The following MFHAS1 variants were observed in gnomAD, a reference collection of about 807,000 sequenced individuals.
MFHAS1 encodes malignant fibrous histiocytoma-amplified sequence 1.
MFHAS1 carries 50 observed loss-of-function variants against 70.4 expected under a neutral mutation model. The ratio of observed to expected loss-of-function variants is 0.71; its 90% CI spans 0.57 to 0.90. The LOEUF (loss-of-function observed/expected upper bound fraction) is 0.90, where lower values mean the gene tolerates loss of function less well. Ranked by LOEUF, MFHAS1 falls within the 40% of genes least tolerant of loss-of-function variation. The pLI is 0.00. For missense variants in MFHAS1, 1,795 were observed against 1,347.6 expected (o/e 1.33, Z -5.20); for synonymous variants, 952 against 620.0 (o/e 1.54, Z -7.96).
intron 1 of MFHAS1, among the ~76,000 whole-genome samples, chr8:8,842,464 T>C (rs1025554477): frequency 2.0e-5 from 3 of 152,146 alleles, no homozygotes; most frequent in Non-Finnish European, 2.9e-5. Flanking sequence ...GGGATTGTAA[T>C]AGGCGTGAGC....
At chr8:8,838,728 G>A (rs1025877933) in intron 1 of MFHAS1, among the ~76,000 whole-genome samples, 4 of 151,506 alleles carry the variant, frequency 2.6e-5, no homozygotes, top group Non-Finnish European at 4.4e-5. Context: ...CAGGAGAATC[G>A]GTTGAACTGG....
intron 1 of MFHAS1, among the ~76,000 whole-genome samples, chr8:8,819,322 T>A (rs866282531): frequency 2.1e-4 from 32 of 152,122 alleles, no homozygotes; most frequent in Middle Eastern, 3.2e-3. Context: ...TATCCAAGAA[T>A]TGGCCGGGTG....
intron 2 of MFHAS1, among the ~76,000 whole-genome samples, chr8:8,794,041 T>A (rs1234209204): frequency 6.6e-6 from 1 of 151,976 alleles, no homozygotes; most frequent in Admixed American, 6.6e-5. Flanking sequence ...ATACAAAAAA[T>A]TAGCTAGGTG....
chr8:8,786,866 A>T (rs1805561173), intron 2 of MFHAS1, among the ~76,000 whole-genome samples: 1 of 152,124 alleles, frequency 6.6e-6, no homozygotes, highest in Non-Finnish European at 1.5e-5. Context: ...TCTCCAGTCC[A>T]TACAAGATTC....
intron 1 of MFHAS1, among the ~76,000 whole-genome samples, chr8:8,803,884 A>C (rs931420329): frequency 2.0e-5 from 3 of 152,062 alleles, no homozygotes; most frequent in Non-Finnish European, 4.4e-5. Context: ...AGGCAGGAGA[A>C]TCACTGGAAT....
rs763953311 is a variant in MFHAS1 at position 8,892,485 on chromosome 8, G to T, written c.574C>A (p.Gln192Lys). 74 of 1,606,816 alleles carry T rather than the reference G, an allele frequency of 4.6e-5. 2 individuals are homozygous for T. The Middle Eastern group carries it at 1.3e-3, about 29-fold the overall frequency. Reference sequence around the variant, plus strand: ...AGCTGCCGGGGGAAGGCAGTGAGCTGGTTGTGATCCACGTCCAGGGTGCGC... The same window carrying T: ...AGCTGCCGGGGGAAGGCAGTGAGCTTGTTGTGATCCACGTCCAGGGTGCGC... ...RLRTLDVDHN[Q>K]LTAFPRQLLQ... The change falls in exon 1 of 3, where the codon CAG becomes AAG. Residue 192 changes from glutamine to lysine, a missense_variant. Transcript: ENST00000276282. This position sits in a 1 kb window ranked among gnomAD's most constrained non-coding sequence, Gnocchi z 4.7.
intron 1 of MFHAS1, among the ~76,000 whole-genome samples, chr8:8,801,373 C>T (rs1006268041): frequency 6.6e-6 from 1 of 152,120 alleles, no homozygotes; most frequent in Non-Finnish European, 1.5e-5. Flanking sequence ...AAACAGAGCA[C>T]GAAGGTGGAA....
intron 2 of MFHAS1, among the ~76,000 whole-genome samples, chr8:8,796,550 G>A (rs1274853985): frequency 1.3e-5 from 2 of 149,264 alleles, no homozygotes; most frequent in Non-Finnish European, 3.0e-5. Flanking sequence ...CGGGCGCGGT[G>A]GCGGGCGCCT....
intron 1 of MFHAS1, among the ~76,000 whole-genome samples, chr8:8,872,430 G>A (rs147211007): frequency 1.0e-3 from 158 of 152,232 alleles, no homozygotes; most frequent in African/African-American, 3.4e-3. Flanking sequence ...TCCTTCATGC[G>A]GACCACCTGG....
chr8:8,823,916 G>C (rs1340725694), intron 1 of MFHAS1, among the ~76,000 whole-genome samples: 1 of 127,582 alleles, frequency 7.8e-6, no homozygotes, highest in Non-Finnish European at 1.6e-5. Flanking sequence ...CACAGAAAAG[G>C]CCTGTTACGC....
At chr8:8,866,836 G>A (rs1179138547) in intron 1 of MFHAS1, among the ~76,000 whole-genome samples, 1 of 152,172 alleles carries the variant, frequency 6.6e-6, no homozygotes, top group African/African-American at 2.4e-5. Flanking sequence ...ATTACCTTGA[G>A]GAATCTGAAA....
At chr8:8,855,068 A>G (rs2116879015) in intron 1 of MFHAS1, among the ~76,000 whole-genome samples, 1 of 152,150 alleles carries the variant, frequency 6.6e-6, no homozygotes, top group East Asian at 1.9e-4. Flanking sequence ...GTCCTCCCTC[A>G]GTATATATGG....
intron 1 of MFHAS1, among the ~76,000 whole-genome samples, chr8:8,823,633 T>C (rs1427263077): frequency 2.0e-5 from 3 of 151,432 alleles, no homozygotes; most frequent in African/African-American, 2.4e-5. Context: ...ATCGCCTAAA[T>C]AGGGCACACA....
intron 1 of MFHAS1, among the ~76,000 whole-genome samples, chr8:8,799,515 C>T (rs373176423): frequency 1.3e-5 from 2 of 152,122 alleles, no homozygotes; most frequent in African/African-American, 4.8e-5. Flanking sequence ...CAGCACTTTG[C>T]GAGGCAAAGA....
intron 1 of MFHAS1, among the ~76,000 whole-genome samples, chr8:8,887,068 A>G (rs1174942598): frequency 6.6e-6 from 1 of 152,218 alleles, no homozygotes; most frequent in Non-Finnish European, 1.5e-5. Context: ...CAGAGGTTGC[A>G]GTGAGTCAAG....
chr8:8,867,159 G>A (rs1020034107), intron 1 of MFHAS1, among the ~76,000 whole-genome samples: 1 of 152,184 alleles, frequency 6.6e-6, no homozygotes, highest in African/African-American at 2.4e-5. Flanking sequence ...GATGGACTGA[G>A]CTCTTCAAGT....
chr8:8,817,740 C>T (rs1458467840), intron 1 of MFHAS1, among the ~76,000 whole-genome samples: 1 of 152,238 alleles, frequency 6.6e-6, no homozygotes, highest in East Asian at 1.9e-4. Flanking sequence ...AGCTGTTCCA[C>T]TTCAGATCAT....
Position 8,785,737 on chromosome 8 carries a change from CTTTTT to C in MFHAS1, c.*280_*284del, listed in dbSNP as rs36026181. 8 of 229,986 alleles carry C rather than the reference CTTTTT, an allele frequency of 3.5e-5. No homozygotes were observed. Among genetic ancestry groups the C allele is most frequent in the Non-Finnish European group, 4.2e-5 (5 of 120,460 alleles). 14.2% of individuals were successfully genotyped at this position (229,986 alleles called of 1,614,324 possible). On this transcript the variant is annotated 3_prime_UTR_variant, in exon 3 of 3. Transcript: ENST00000276282. ...ACAAAATCCCTGAGAAGCCATTCGA[CTTTTT>C]TTTTTTTTTTTTCTTTTCTTCAAGT... is the stretch of plus-strand genomic sequence containing the variant.
intron 1 of MFHAS1, among the ~76,000 whole-genome samples, chr8:8,886,775 T>C (rs1479785891): frequency 1.3e-5 from 2 of 152,226 alleles, no homozygotes; most frequent in Non-Finnish European, 2.9e-5. Flanking sequence ...TTAACGCTTT[T>C]ATAAAACATA....
Sources: allele counts gnomAD v4.1 joint callset (sites outside exome capture counted in the v4.1 genomes callset), GRCh38; gene constraint gnomAD v4.1.1; non-coding constraint Gnocchi (gnomAD v3.1); transcripts MANE v1.5; gene names NCBI Gene and HGNC (gene_info 2026-07-23, HGNC 2026-07-21).